GSG1L: variants seen among roughly 807,000 people sequenced by gnomAD.
GSG1L encodes the protein GSG1 like, also known as germ cell-specific gene 1-like protein.
Under a neutral mutation model 42.1 loss-of-function variants are expected in GSG1L, and 24 were observed. The observed-to-expected ratio is 0.57, with a 90% CI of 0.41 to 0.80. The LOEUF is 0.80. Ranked by LOEUF, GSG1L falls within the 30% of genes least tolerant of loss-of-function variation. GSG1L has a pLI of 0.00. For missense variants in GSG1L, 445 were observed against 472.2 expected, an observed-to-expected ratio of 0.94 and a Z score of 0.53; for synonymous variants, 215 against 203.5, an observed-to-expected ratio of 1.06 and a Z score of -0.48.
At chr16:28,047,047 C>T (rs943857050) in intron 1 of GSG1L, among the ~76,000 whole-genome samples, 3 of 152,296 alleles carry the variant, frequency 2.0e-5, no homozygotes, top group Admixed American at 1.3e-4. Context: ...GGACCCAGCA[C>T]GTGGACAGTG....
At chr16:27,845,195 G>A in intron 3 of GSG1L, 134 bp from the exon 4 acceptor site, 1 of 579,646 alleles carries the variant, frequency 1.7e-6, no homozygotes, top group Non-Finnish European at 3.1e-6. Flanking sequence ...CTGGGTAAGG[G>A]AGGTCAGCAG....
intron 6 of GSG1L, among the ~76,000 whole-genome samples, chr16:27,806,222 A>G (rs2082961069): frequency 6.6e-6 from 1 of 152,070 alleles, no homozygotes; most frequent in Admixed American, 6.6e-5. Flanking sequence ...TCACTTCAGC[A>G]CCATCTCCTG....
intron 2 of GSG1L, among the ~76,000 whole-genome samples, chr16:27,934,332 T>G (rs1205310896): frequency 6.6e-6 from 1 of 152,006 alleles, no homozygotes; most frequent in Non-Finnish European, 1.5e-5. Flanking sequence ...TCACCTGAGG[T>G]CAGGAGTTCG....
chr16:27,789,633 G>A lies in GSG1L; in HGVS notation c.*1737C>T, dbSNP rs1248228910. ...AATGGATAATGGATAAATAGCTAAC[G>A]AATGGGTGGATGGATGATGAATGGA... On this transcript the variant is annotated 3_prime_UTR_variant, in exon 7 of 7. Transcript: ENST00000447459. The A allele has an allele frequency of 2.0e-5, 3 of 151,706 alleles. No individual in the cohort carries two copies. The highest frequency in any genetic ancestry group is 1.5e-5 in the Non-Finnish European group (1 of 67,922). 9.4% of individuals were successfully genotyped at this position (151,706 alleles called of 1,614,324 possible). A position where few individuals can be genotyped will look rare whatever the true frequency, so the allele number is the denominator to read the frequency against.
chr16:27,905,007 T>G (rs1039090340), intron 2 of GSG1L, among the ~76,000 whole-genome samples: 10 of 152,184 alleles, frequency 6.6e-5, no homozygotes, highest in African/African-American at 2.4e-4. Context: ...GGGTTTTACA[T>G]GAAATTTCAT....
chr16:28,022,911 C>T (rs2085860360), intron 1 of GSG1L, among the ~76,000 whole-genome samples: 1 of 151,942 alleles, frequency 6.6e-6, no homozygotes, highest in African/African-American at 2.4e-5. Context: ...ACCTCATGAT[C>T]CGCCTGCCTC....
chr16:27,981,616 T>C (rs760521965), intron 1 of GSG1L, among the ~76,000 whole-genome samples: 2 of 152,276 alleles, frequency 1.3e-5, no homozygotes, highest in Middle Eastern at 3.4e-3. Context: ...GATGGTACCA[T>C]GCCTTGATTT....
At chr16:28,010,182 T>C (rs2141155025) in intron 1 of GSG1L, among the ~76,000 whole-genome samples, 1 of 152,264 alleles carries the variant, frequency 6.6e-6, no homozygotes. Context: ...CACTGTGCAA[T>C]GGAACCTCCC....
At chr16:27,929,418 G>A (rs1265217319) in intron 2 of GSG1L, among the ~76,000 whole-genome samples, 1 of 152,188 alleles carries the variant, frequency 6.6e-6, no homozygotes, top group Non-Finnish European at 1.5e-5. Flanking sequence ...ACCCAAGTGA[G>A]CCCGGTGGGA....
chr16:27,982,142 AG>A (rs1388418980), intron 1 of GSG1L, among the ~76,000 whole-genome samples: 2 of 152,144 alleles, frequency 1.3e-5, no homozygotes, highest in Non-Finnish European at 2.9e-5. Flanking sequence ...CTGAGGAGGG[AG>A]GATCACTTGA....
intron 1 of GSG1L, among the ~76,000 whole-genome samples, chr16:27,982,360 A>G (rs574177002): frequency 6.6e-6 from 1 of 152,180 alleles, no homozygotes; most frequent in African/African-American, 2.4e-5. Flanking sequence ...AATATTTCCC[A>G]GCATCCCCCG....
At chr16:27,901,374 G>A (rs771728780) in intron 2 of GSG1L, among the ~76,000 whole-genome samples, 2 of 152,182 alleles carry the variant, frequency 1.3e-5, no homozygotes, top group Non-Finnish European at 2.9e-5. Flanking sequence ...CGTCACAGAG[G>A]AAGATGCCAA....
chr16:27,843,786 C>T (rs1046677335), intron 4 of GSG1L, among the ~76,000 whole-genome samples: 1 of 152,168 alleles, frequency 6.6e-6, no homozygotes, highest in African/African-American at 2.4e-5. Context: ...CAGAGGTGGG[C>T]TTGGTCAAAC....
chr16:27,886,572 T>A (rs971579813), intron 2 of GSG1L, among the ~76,000 whole-genome samples: 2 of 152,256 alleles, frequency 1.3e-5, no homozygotes, highest in African/African-American at 4.8e-5. Context: ...TTTGTACTAT[T>A]ACAATTTTTT....
Position 28,063,048 on chromosome 16 carries a change from GA to G in GSG1L, c.349+27del, listed in dbSNP as rs1472696565. Reference sequence around the variant, plus strand: ...GCGCCGCCCCGGGGGAGCCGGAGCCGAGCTGGCCGCCGCCCGCGCGCACTCA... The same window carrying G: ...GCGCCGCCCCGGGGGAGCCGGAGCCGGCTGGCCGCCGCCCGCGCGCACTCA... On this transcript the variant is annotated intron_variant, in intron 1 of 6. Transcript: ENST00000447459. This position sits in a 1 kb window ranked among gnomAD's most constrained non-coding sequence, Gnocchi z 5.8. The G allele has an allele frequency of 2.2e-6, 3 of 1,388,920 alleles. No homozygotes were observed. Among genetic ancestry groups the G allele is most frequent in the African/African-American group, 1.5e-5 (1 of 66,156 alleles). 86.0% of individuals were successfully genotyped at this position (1,388,920 alleles called of 1,614,324 possible).
At chr16:27,939,250 T>C (rs1207783078) in intron 2 of GSG1L, among the ~76,000 whole-genome samples, 4 of 151,942 alleles carry the variant, frequency 2.6e-5, no homozygotes, top group Admixed American at 6.6e-5. Context: ...GCCTCCAGAG[T>C]AGCTAGGACC....
chr16:27,992,512 A>G (rs1029727678), intron 1 of GSG1L, among the ~76,000 whole-genome samples: 1 of 150,926 alleles, frequency 6.6e-6, no homozygotes. Context: ...AAAAAAAGGA[A>G]TATTTTCTGG....
At position 28,035,803 on chromosome 16, in the gene GSG1L, G is replaced by A. The variant is rs542464808; in HGVS notation, c.349+27273C>T. ...CCCCAGGGAGAGTGACCCATCTGAC[G>A]TTCCACAGCTCATAAAGGACAAAGC... is the stretch of plus-strand genomic sequence containing the variant. On this transcript the variant is annotated intron_variant, in intron 1 of 6. Transcript: ENST00000447459. Among the ~76,000 whole-genome samples, 12 of 152,246 alleles carry A rather than the reference G, an allele frequency of 7.9e-5. No homozygotes were observed. The South Asian group carries it at 8.3e-4, about 11-fold the overall frequency.
At chr16:27,798,120 G>A (rs2082841452) in intron 6 of GSG1L, among the ~76,000 whole-genome samples, 1 of 152,100 alleles carries the variant, frequency 6.6e-6, no homozygotes, top group South Asian at 2.1e-4. Flanking sequence ...AGCCCAACCT[G>A]AGCATTATGC....
Sources: allele counts gnomAD v4.1 joint callset (sites outside exome capture counted in the v4.1 genomes callset), GRCh38; gene constraint gnomAD v4.1.1; non-coding constraint Gnocchi (gnomAD v3.1); transcripts MANE v1.5; gene names NCBI Gene and HGNC (gene_info 2026-07-23, HGNC 2026-07-21).